PRKN: variants seen among roughly 807,000 people sequenced by gnomAD.
PRKN encodes the protein parkin RBR E3 ubiquitin protein ligase, also known as E3 ubiquitin-protein ligase parkin.
In PRKN, 56 loss-of-function variants were observed where a neutral mutation model predicts 59.5. That is an observed-to-expected ratio of 0.94 (90% confidence interval 0.76 to 1.18). The LOEUF is 1.18. Among genes scored for constraint, PRKN ranks in the 50% most tolerant of loss-of-function variants. PRKN has a pLI of 0.00. For synonymous variants in PRKN, 250 were observed against 222.1 expected (o/e 1.13, Z -1.12); for missense variants, 657 against 596.4 (o/e 1.10, Z -1.06).
chr6:162,046,172 C>A (rs186491156), intron 5 of PRKN, among the ~76,000 whole-genome samples: 1 of 152,276 alleles, frequency 6.6e-6, no homozygotes, highest in East Asian at 1.9e-4. Context: ...TTGTCTAAAC[C>A]TGCAATGCAA....
chr6:162,710,348 A>C (rs1252909057), intron 1 of PRKN, among the ~76,000 whole-genome samples: 2 of 142,176 alleles, frequency 1.4e-5, no homozygotes, highest in Non-Finnish European at 3.0e-5. Context: ...TCCCCAGGGG[A>C]CAGAAAGCCC....
chr6:161,679,741 C>CTTTTTTTTTTTT lies in PRKN; in HGVS notation c.871+106019_871+106030dup, dbSNP rs745812196. Among the ~76,000 whole-genome samples the CTTTTTTTTTTTT allele has an allele frequency of 1.7e-4, 4 of 23,494 alleles. 1 individual carries two copies. Among genetic ancestry groups the CTTTTTTTTTTTT allele is most frequent in the South Asian group, 2.0e-3 (1 of 496 alleles). 15.4% of individuals were successfully genotyped at this position (23,494 alleles called of 152,430 possible). A position where few individuals can be genotyped will look rare whatever the true frequency, so the allele number is the denominator to read the frequency against. On this transcript the variant is annotated intron_variant, in intron 7 of 11. Transcript: ENST00000366898. The stretch of plus-strand genomic sequence containing the variant: ...AAAAATGTTTTCAGTTCAGAGCCAG[C>CTTTTTTTTTTTT]TTTTTTTTTTTTTTTTTTTTTTTTT...
At chr6:162,659,061 A>G (rs898568421) in intron 1 of PRKN, among the ~76,000 whole-genome samples, 1 of 152,218 alleles carries the variant, frequency 6.6e-6, no homozygotes, top group Non-Finnish European at 1.5e-5. Flanking sequence ...CTTTCAAAGT[A>G]TAACTTTTTA....
chr6:162,350,812 G>T (rs9458532), intron 2 of PRKN, among the ~76,000 whole-genome samples: 6,682 of 152,018 alleles, frequency 0.044, 493 homozygotes, highest in African/African-American at 0.15. Flanking sequence ...AAAGAGCAAA[G>T]TTACAAATTA....
intron 9 of PRKN, among the ~76,000 whole-genome samples, chr6:161,512,026 C>T (rs1292664132): frequency 1.3e-5 from 2 of 152,198 alleles, no homozygotes; most frequent in Non-Finnish European, 2.9e-5. Context: ...ATTGTTGTCA[C>T]TGTATGCAGA....
chr6:162,590,021 A>G (rs1041546359), intron 1 of PRKN, among the ~76,000 whole-genome samples: 20 of 152,210 alleles, frequency 1.3e-4, no homozygotes, highest in African/African-American at 4.6e-4. Context: ...TGAGACACCA[A>G]GTAAATGTAT....
At position 161,545,392 on chromosome 6, in the gene PRKN, ACTCACTT is replaced by A; in HGVS notation, c.1083+3455_1083+3461del. On this transcript the variant is annotated intron_variant, in intron 9 of 11. Coordinates refer to ENST00000366898, the MANE Select transcript of PRKN (RefSeq NM_004562.3). This position sits in a 1 kb window ranked among gnomAD's most constrained non-coding sequence, Gnocchi z 4.1. ...CCTTGAACGATGTATTGAATGAGGC[ACTCACTT>A]CTCCCTGAGGCAGCTTATTTTGTTC... 6.2e-7 allele frequency: 1 copy of A among 1,612,312 alleles called. No homozygotes were observed.
chr6:161,771,456 A>G (rs1789692418), intron 7 of PRKN, among the ~76,000 whole-genome samples: 1 of 150,994 alleles, frequency 6.6e-6, no homozygotes, highest in African/African-American at 2.4e-5. Context: ...AGCTTGGGGG[A>G]GGGATCAGGA....
At chr6:162,286,969 A>G (rs1161819095) in intron 2 of PRKN, among the ~76,000 whole-genome samples, 3 of 152,222 alleles carry the variant, frequency 2.0e-5, no homozygotes, top group Non-Finnish European at 4.4e-5. Flanking sequence ...GAGTACAGAT[A>G]TCTACTTTAA....
intron 5 of PRKN, among the ~76,000 whole-genome samples, chr6:162,040,205 C>T (rs75815883): frequency 0.017 from 2,624 of 152,238 alleles, 61 homozygotes; most frequent in African/African-American, 0.06. Context: ...GTCTCTCCAG[C>T]ACAGAAGCGG....
chr6:161,795,383 C>T (rs942033631), intron 6 of PRKN, among the ~76,000 whole-genome samples: 1 of 151,860 alleles, frequency 6.6e-6, no homozygotes, highest in African/African-American at 2.4e-5. Flanking sequence ...CAGTCACCTG[C>T]CACCATGCCT....
chr6:162,689,757 A>G (rs2128234741), intron 1 of PRKN, among the ~76,000 whole-genome samples: 1 of 152,332 alleles, frequency 6.6e-6, no homozygotes, highest in East Asian at 1.9e-4. Flanking sequence ...AAAAATTTAA[A>G]TAACAGGGGC....
chr6:162,083,454 G>T (rs1052148877), intron 4 of PRKN, among the ~76,000 whole-genome samples: 14 of 152,186 alleles, frequency 9.2e-5, no homozygotes, highest in African/African-American at 3.4e-4. Flanking sequence ...GAAGTGACAT[G>T]CAATAAAGTG....
intron 1 of PRKN, among the ~76,000 whole-genome samples, chr6:162,448,137 T>C (rs530358956): frequency 7.9e-5 from 12 of 152,212 alleles, no homozygotes; most frequent in Admixed American, 7.2e-4. Flanking sequence ...CTAAGCTCCG[T>C]GGGATGTTCG....
chr6:162,108,677 G>A (rs549146840), intron 4 of PRKN, among the ~76,000 whole-genome samples: 1 of 152,212 alleles, frequency 6.6e-6, no homozygotes, highest in African/African-American at 2.4e-5. Context: ...TAAAGATGCT[G>A]AGTGCAGTGA....
chr6:161,531,205 C>T (rs1299439556), intron 9 of PRKN, among the ~76,000 whole-genome samples: 1 of 151,782 alleles, frequency 6.6e-6, no homozygotes, highest in Non-Finnish European at 1.5e-5. Flanking sequence ...CATGGTGAAA[C>T]CCCGTCTCTA....
At chr6:162,411,558 T>A (rs1172326058) in intron 2 of PRKN, among the ~76,000 whole-genome samples, 1 of 152,196 alleles carries the variant, frequency 6.6e-6, no homozygotes, top group Non-Finnish European at 1.5e-5. Flanking sequence ...ATATTATTAT[T>A]TAATAATCCA....
At chr6:162,652,996 G>C (rs1451000054) in intron 1 of PRKN, among the ~76,000 whole-genome samples, 3 of 152,028 alleles carry the variant, frequency 2.0e-5, no homozygotes, top group African/African-American at 7.2e-5. Flanking sequence ...TTTTCCTTTA[G>C]AAACTCTATG....
At chr6:161,383,636 C>A (rs944817429) in intron 10 of PRKN, among the ~76,000 whole-genome samples, 1 of 152,238 alleles carries the variant, frequency 6.6e-6, no homozygotes, top group Non-Finnish European at 1.5e-5. Context: ...TCCATGGCTG[C>A]AGCTCATGGG....
Sources: gnomAD v4.1 joint callset for allele counts (sites outside exome capture counted in the v4.1 genomes callset) on GRCh38, gnomAD v4.1.1 for gene constraint, Gnocchi (gnomAD v3.1) non-coding constraint, MANE v1.5 for transcripts, NCBI Gene and HGNC (gene_info 2026-07-23, HGNC 2026-07-21) for gene names.